LHFPL3: variants seen among roughly 807,000 people sequenced by gnomAD.
LHFPL3 encodes LHFPL tetraspan subfamily member 3 protein.
LHFPL3 carries 5 observed loss-of-function variants against 19.3 expected under a neutral mutation model. That is an observed-to-expected ratio of 0.26 (90% CI 0.14 to 0.54). The LOEUF is 0.54. Among genes scored for constraint, LHFPL3 ranks in the 20% least tolerant of loss-of-function variants. The pLI, the probability that LHFPL3 is intolerant of heterozygous loss-of-function variation, is 0.94. For missense variants in LHFPL3, 249 were observed against 307.4 expected, an observed-to-expected ratio of 0.81 and a Z score of 1.42; for synonymous variants, 133 against 126.2, an observed-to-expected ratio of 1.05 and a Z score of -0.36.
intron 1 of LHFPL3, among the ~76,000 whole-genome samples, chr7:104,586,975 C>CAGAA (rs1022896303): frequency 6.6e-5 from 10 of 151,996 alleles, no homozygotes; most frequent in African/African-American, 2.2e-4. Context: ...AGGCATAAGA[C>CAGAA]AGAAACTTAC....
intron 1 of LHFPL3, among the ~76,000 whole-genome samples, chr7:104,644,721 T>C (rs1203489627): frequency 7.4e-6 from 1 of 134,618 alleles, no homozygotes; most frequent in Admixed American, 7.8e-5. Flanking sequence ...CCCTTGTTAG[T>C]GCCTGTTGCT....
At chr7:104,822,840 T>TA (rs977090968) in intron 2 of LHFPL3, among the ~76,000 whole-genome samples, 36 of 151,712 alleles carry the variant, frequency 2.4e-4, no homozygotes, top group East Asian at 5.8e-4. Flanking sequence ...AAGACAGTGT[T>TA]AAAAAAAAGG....
chr7:104,741,393 A>G (rs1283167078), intron 2 of LHFPL3, among the ~76,000 whole-genome samples: 2 of 151,798 alleles, frequency 1.3e-5, no homozygotes, highest in East Asian at 3.9e-4. Flanking sequence ...TCTTAAAGAA[A>G]ACCTTTATAA....
intron 1 of LHFPL3, among the ~76,000 whole-genome samples, chr7:104,446,783 A>G (rs1192183465): frequency 6.6e-6 from 1 of 152,118 alleles, no homozygotes; most frequent in African/African-American, 2.4e-5. Flanking sequence ...TCACTGTGTT[A>G]GCCAGGATGG....
At chr7:104,610,745 A>G (rs1791198024) in intron 1 of LHFPL3, among the ~76,000 whole-genome samples, 1 of 152,206 alleles carries the variant, frequency 6.6e-6, no homozygotes, top group African/African-American at 2.4e-5. Context: ...TACTCAGTCT[A>G]CTAATTCAAA....
intron 1 of LHFPL3, among the ~76,000 whole-genome samples, chr7:104,352,063 G>C (rs187159693): frequency 2.6e-5 from 4 of 152,042 alleles, no homozygotes; most frequent in African/African-American, 9.6e-5. Context: ...AATTAGCTGA[G>C]CTGGGGCAGG....
chr7:104,439,085 A>G (rs1792168020), intron 1 of LHFPL3, among the ~76,000 whole-genome samples: 2 of 152,340 alleles, frequency 1.3e-5, no homozygotes, highest in South Asian at 4.1e-4. Context: ...ACAGTATTAA[A>G]TTTATTAACA....
intron 2 of LHFPL3, among the ~76,000 whole-genome samples, chr7:104,811,212 T>C (rs1341373340): frequency 2.0e-5 from 3 of 150,662 alleles, no homozygotes; most frequent in African/African-American, 7.4e-5. Context: ...TTTCTTTCTT[T>C]GACACAGGGT....
intron 1 of LHFPL3, among the ~76,000 whole-genome samples, chr7:104,515,254 T>C (rs1356759314): frequency 1.3e-5 from 2 of 152,202 alleles, no homozygotes; most frequent in African/African-American, 4.8e-5. Flanking sequence ...TAATCTGCAT[T>C]AAAGATTAAT....
intron 2 of LHFPL3, among the ~76,000 whole-genome samples, chr7:104,899,792 C>T (rs528945589): frequency 3.1e-4 from 47 of 152,180 alleles, no homozygotes; most frequent in African/African-American, 1.1e-3. Context: ...AGTGCAGTGG[C>T]GTGATCTCAA....
At chr7:104,681,598 G>A (rs1289105705) in intron 1 of LHFPL3, among the ~76,000 whole-genome samples, 2 of 151,212 alleles carry the variant, frequency 1.3e-5, no homozygotes, top group South Asian at 2.1e-4. Context: ...GCCCAGCCTG[G>A]GTGACAGAGC....
intron 2 of LHFPL3, among the ~76,000 whole-genome samples, chr7:104,793,449 T>C (rs1790061464): frequency 6.6e-6 from 1 of 152,220 alleles, no homozygotes; most frequent in Non-Finnish European, 1.5e-5. Flanking sequence ...AGTCCAGTGA[T>C]ATTTCTGACT....
chr7:104,634,296 G>T (rs555056793), intron 1 of LHFPL3, among the ~76,000 whole-genome samples: 2 of 152,158 alleles, frequency 1.3e-5, no homozygotes, highest in African/African-American at 4.8e-5. Flanking sequence ...GTGCCAACAT[G>T]GTTGGTTTTG....
At chr7:104,485,788 AG>A (rs1287944376) in intron 1 of LHFPL3, among the ~76,000 whole-genome samples, 2 of 151,250 alleles carry the variant, frequency 1.3e-5, no homozygotes, top group East Asian at 3.9e-4. Flanking sequence ...CCCCTCTGAC[AG>A]GCCTCGCTCG....
chr7:104,824,562 A>T (rs1407221001), intron 2 of LHFPL3, among the ~76,000 whole-genome samples: 4 of 74,408 alleles, frequency 5.4e-5, no homozygotes, highest in Non-Finnish European at 6.9e-5. Context: ...ATATATAATT[A>T]TATATATTAT....
intron 1 of LHFPL3, among the ~76,000 whole-genome samples, chr7:104,605,351 GA>G (rs572626246): frequency 9.9e-5 from 15 of 152,098 alleles, no homozygotes; most frequent in African/African-American, 3.6e-4. Flanking sequence ...TAAAACAAGT[GA>G]AAAAAATGGT....
At chr7:104,777,637 T>C (rs1794655094) in intron 2 of LHFPL3, among the ~76,000 whole-genome samples, 1 of 152,240 alleles carries the variant, frequency 6.6e-6, no homozygotes, top group Non-Finnish European at 1.5e-5. Flanking sequence ...CAGTGCCTGA[T>C]TGCCAGCACT....
At chr7:104,636,722 A>T (rs539715120) in intron 1 of LHFPL3, among the ~76,000 whole-genome samples, 1 of 152,178 alleles carries the variant, frequency 6.6e-6, no homozygotes, top group South Asian at 2.1e-4. Context: ...TCCTGATCTC[A>T]TTCTTTTTAT....
At chr7:104,603,094 C>CTTTCTTTCTT (rs1791008516) in intron 1 of LHFPL3, among the ~76,000 whole-genome samples, 1 of 129,764 alleles carries the variant, frequency 7.7e-6, no homozygotes, top group Non-Finnish European at 1.6e-5. Context: ...TTCTTTCTTT[C>CTTTCTTTCTT]TTTCTTTCTT....
Sources: gnomAD v4.1 joint callset for allele counts (sites outside exome capture counted in the v4.1 genomes callset) on GRCh38, gnomAD v4.1.1 for gene constraint, MANE v1.5 for transcripts, NCBI Gene and HGNC (gene_info 2026-07-23, HGNC 2026-07-21) for gene names.